PIBF1: variants seen among roughly 807,000 people sequenced by gnomAD.
The protein encoded by PIBF1 is progesterone-induced-blocking factor 1.
A neutral mutation model predicts 112.5 loss-of-function variants in PIBF1; 90 were observed. The observed-to-expected ratio is 0.80, with a 90% CI of 0.67 to 0.95. PIBF1 has a LOEUF of 0.95. PIBF1 is among the 40% of genes least tolerant of loss of function. PIBF1 has a pLI of 0.00. For missense variants in PIBF1, 915 were observed against 852.3 expected, an observed-to-expected ratio of 1.07 and a Z score of -0.92; for synonymous variants, 301 against 288.6, an observed-to-expected ratio of 1.04 and a Z score of -0.44.
intron 16 of PIBF1, among the ~76,000 whole-genome samples, chr13:72,979,914 G>A (rs946336969): frequency 6.6e-6 from 1 of 152,018 alleles, no homozygotes. Context: ...GACAGAGCAA[G>A]ACTCTGTCTC....
intron 13 of PIBF1, among the ~76,000 whole-genome samples, chr13:72,928,652 C>G (rs1278528463): frequency 6.6e-6 from 1 of 152,146 alleles, no homozygotes; most frequent in African/African-American, 2.4e-5. Context: ...GTTGGCCAGG[C>G]TGGTCTTGAA....
chr13:72,822,530 T>C (rs1283694550), intron 6 of PIBF1, among the ~76,000 whole-genome samples: 3 of 152,186 alleles, frequency 2.0e-5, no homozygotes, highest in Non-Finnish European at 4.4e-5. Context: ...TTTCATCATT[T>C]ATGAGATGTT....
At chr13:72,975,505 C>T (rs2042999117) in intron 16 of PIBF1, among the ~76,000 whole-genome samples, 1 of 152,086 alleles carries the variant, frequency 6.6e-6, no homozygotes, top group Admixed American at 6.5e-5. Context: ...TTCAAAGGTA[C>T]GTATCCTAGA....
At chr13:72,853,751 A>G (rs772810440) in intron 9 of PIBF1, among the ~76,000 whole-genome samples, 22 of 152,326 alleles carry the variant, frequency 1.4e-4, no homozygotes, top group Middle Eastern at 6.8e-3. Context: ...TAATATATGA[A>G]TAATTACACC....
intron 10 of PIBF1, among the ~76,000 whole-genome samples, chr13:72,881,524 T>A (rs2039634119): frequency 6.6e-6 from 1 of 152,098 alleles, no homozygotes; most frequent in African/African-American, 2.4e-5. Context: ...GAGACCAGCC[T>A]GGCCAACATG....
At chr13:72,964,169 C>T (rs1485517102) in intron 14 of PIBF1, among the ~76,000 whole-genome samples, 1 of 152,170 alleles carries the variant, frequency 6.6e-6, no homozygotes, top group East Asian at 1.9e-4. Context: ...GAATGAAGTT[C>T]TGATACATGA....
At chr13:72,924,954 G>A (rs1291790636) in intron 13 of PIBF1, among the ~76,000 whole-genome samples, 2 of 152,172 alleles carry the variant, frequency 1.3e-5, no homozygotes, top group East Asian at 1.9e-4. Context: ...AGTGGAACTC[G>A]ACGGGAGCCT....
intron 3 of PIBF1, 42 bp downstream of exon 3, chr13:72,792,589 G>A (rs1190649256): frequency 4.9e-6 from 5 of 1,015,098 alleles, no homozygotes; most frequent in African/African-American, 1.7e-5. Context: ...CATCTATTTA[G>A]CAATTAAAAG....
At chr13:72,953,248 GC>G (rs2042350850) in intron 14 of PIBF1, among the ~76,000 whole-genome samples, 1 of 152,154 alleles carries the variant, frequency 6.6e-6, no homozygotes, top group Non-Finnish European at 1.5e-5. Context: ...CCCCCTATGA[GC>G]CCAGCACTGC....
chr13:72,988,447 T>C (rs978836587), intron 16 of PIBF1, among the ~76,000 whole-genome samples: 5 of 152,098 alleles, frequency 3.3e-5, no homozygotes, highest in African/African-American at 9.7e-5. Context: ...ATAACAGCAG[T>C]TTGCAGTTGC....
chr13:72,806,221 T>C (rs1276895125), intron 5 of PIBF1, among the ~76,000 whole-genome samples: 1 of 152,164 alleles, frequency 6.6e-6, no homozygotes, highest in Non-Finnish European at 1.5e-5. Flanking sequence ...CCCCCAGTCA[T>C]TGGTAACCAT....
At chr13:72,970,091 T>G (rs2042850279) in intron 15 of PIBF1, among the ~76,000 whole-genome samples, 1 of 152,192 alleles carries the variant, frequency 6.6e-6, no homozygotes, top group Non-Finnish European at 1.5e-5. Context: ...TTGTATGCTT[T>G]TCTTAGAAAA....
intron 5 of PIBF1, among the ~76,000 whole-genome samples, chr13:72,808,254 G>A (rs1935041723): frequency 6.6e-6 from 1 of 151,994 alleles, no homozygotes; most frequent in Non-Finnish European, 1.5e-5. Flanking sequence ...TACTTATTAT[G>A]AACATATTTT....
Position 72,835,268 on chromosome 13 carries a change from A to G in PIBF1, c.1123A>G (p.Asn375Asp). 6.4e-7 allele frequency: 1 copy of G among 1,573,258 alleles called. No individual in the cohort carries two copies. The highest frequency in any genetic ancestry group is 8.6e-7 in the Non-Finnish European group (1 of 1,165,620). ...AGACCATTATAAAACAGAATATGAAAATAAACTACATGATGAACTAGAACA... is the reference window on the plus strand; with the variant it reads ...AGACCATTATAAAACAGAATATGAAGATAAACTACATGATGAACTAGAACA... ...SRDHYKTEYE[N>D]KLHDELEQIR... Residue 375 changes from asparagine (N) to aspartate (D), a missense_variant, in exon 9 of 18, where the codon AAT (asparagine) becomes GAT (aspartate). Coordinates refer to ENST00000326291, the MANE Select transcript of PIBF1 (RefSeq NM_006346.4).
At chr13:72,982,102 C>T (rs1361055642) in intron 16 of PIBF1, among the ~76,000 whole-genome samples, 2 of 152,058 alleles carry the variant, frequency 1.3e-5, no homozygotes, top group African/African-American at 4.8e-5. Flanking sequence ...AATGTAGTTC[C>T]CTTTCCTCAT....
chr13:72,955,064 T>A (rs1474978107), intron 14 of PIBF1, among the ~76,000 whole-genome samples: 1 of 152,236 alleles, frequency 6.6e-6, no homozygotes, highest in Non-Finnish European at 1.5e-5. Flanking sequence ...TATTAACTGT[T>A]ATCACTCTGT....
chr13:72,800,805 A>G (rs560213024), intron 5 of PIBF1, among the ~76,000 whole-genome samples: 1 of 152,320 alleles, frequency 6.6e-6, no homozygotes, highest in African/African-American at 2.4e-5. Flanking sequence ...AAAGTTGATA[A>G]TTGTAATAGA....
intron 2 of PIBF1, among the ~76,000 whole-genome samples, chr13:72,791,472 T>TG (rs1371614882): frequency 1.3e-5 from 2 of 152,098 alleles, no homozygotes; most frequent in Non-Finnish European, 2.9e-5. Context: ...ACAGCATACT[T>TG]GGGGGATGGC....
intron 14 of PIBF1, among the ~76,000 whole-genome samples, chr13:72,955,120 A>G (rs887283741): frequency 7.2e-5 from 11 of 152,224 alleles, no homozygotes; most frequent in African/African-American, 2.4e-4. Context: ...ATATAAAGTA[A>G]TATTTTAATT....
Sources: gnomAD v4.1 joint callset for allele counts (sites outside exome capture counted in the v4.1 genomes callset) on GRCh38, gnomAD v4.1.1 for gene constraint, MANE v1.5 for transcripts, NCBI Gene and HGNC (gene_info 2026-07-23, HGNC 2026-07-21) for gene names.